CES5A: variants seen among roughly 807,000 people sequenced by gnomAD.
CES5A encodes the protein carboxylesterase 5A.
Under a neutral mutation model 62.9 loss-of-function variants are expected in CES5A, and 67 were observed. The observed-to-expected ratio is 1.07, with a 90% CI of 0.88 to 1.31. The LOEUF (loss-of-function observed/expected upper bound fraction) is 1.31. Among genes scored for constraint, CES5A ranks in the 50% most tolerant of loss-of-function variants. CES5A has a pLI of 0.00. For synonymous variants in CES5A, 296 were observed against 280.8 expected, an observed-to-expected ratio of 1.05 and a Z score of -0.54; for missense variants, 748 against 708.5, an observed-to-expected ratio of 1.06 and a Z score of -0.63.
intron 1 of CES5A, among the ~76,000 whole-genome samples, chr16:55,924,847 A>G (rs976279970): frequency 6.6e-6 from 1 of 152,098 alleles, no homozygotes; most frequent in Non-Finnish European, 1.5e-5. Context: ...CCTATCTCTT[A>G]CCATACACAA....
chr16:55,929,758 G>T (rs2034290675), upstream of CES5A, among the ~76,000 whole-genome samples: 1 of 152,200 alleles, frequency 6.6e-6, no homozygotes, highest in Admixed American at 6.5e-5. Context: ...AGGATTAAAT[G>T]CTGTCTTTAT....
chr16:55,860,979 G>A (rs1413265487), intron 7 of CES5A, among the ~76,000 whole-genome samples: 1 of 152,156 alleles, frequency 6.6e-6, no homozygotes, highest in Non-Finnish European at 1.5e-5. Flanking sequence ...ACCTGGAGAG[G>A]TGGGCATCTC....
chr16:55,919,863 A>G (rs2034184608), intron 1 of CES5A, among the ~76,000 whole-genome samples: 3 of 152,128 alleles, frequency 2.0e-5, no homozygotes, highest in African/African-American at 7.2e-5. Flanking sequence ...GGCACTTTCC[A>G]TGAGTTAAAT....
chr16:55,901,883 C>T (rs1189349230), intron 1 of CES5A, among the ~76,000 whole-genome samples: 1 of 152,168 alleles, frequency 6.6e-6, no homozygotes, highest in Non-Finnish European at 1.5e-5. Context: ...AATTACATTG[C>T]AGCTGTGCTG....
At chr16:55,943,010 A>T (rs1747132476) in intron 2 of CES5A, among the ~76,000 whole-genome samples, 1 of 152,174 alleles carries the variant, frequency 6.6e-6, no homozygotes, top group Non-Finnish European at 1.5e-5. Flanking sequence ...GCGGGCTTGG[A>T]AGGTTGGCTA....
At chr16:55,935,733 T>A (rs1192606522) in intron 2 of CES5A, among the ~76,000 whole-genome samples, 1 of 152,154 alleles carries the variant, frequency 6.6e-6, no homozygotes, top group Non-Finnish European at 1.5e-5. Flanking sequence ...GTGTGTAACT[T>A]CTTTGCCAGT....
chr16:55,850,440 C>A (rs552944700), intron 10 of CES5A, among the ~76,000 whole-genome samples: 1 of 152,280 alleles, frequency 6.6e-6, no homozygotes, highest in African/African-American at 2.4e-5. Context: ...TATGGCTTTG[C>A]CTAATCTGAA....
intron 1 of CES5A, among the ~76,000 whole-genome samples, chr16:55,884,296 G>T (rs1471142253): frequency 6.6e-6 from 1 of 152,212 alleles, no homozygotes; most frequent in Non-Finnish European, 1.5e-5. Context: ...TGCATGTGAA[G>T]CAGCACCTCT....
intron 3 of CES5A, among the ~76,000 whole-genome samples, chr16:55,871,252 C>G (rs1283433981): frequency 6.6e-6 from 1 of 152,110 alleles, no homozygotes; most frequent in African/African-American, 2.4e-5. Flanking sequence ...ACCTGACTGT[C>G]TTCATTATAA....
At chr16:55,873,569 G>A (rs1230840069) in intron 2 of CES5A, among the ~76,000 whole-genome samples, 1 of 152,158 alleles carries the variant, frequency 6.6e-6, no homozygotes, top group Admixed American at 6.5e-5. Flanking sequence ...ATAGTTTCCT[G>A]GGCTCAGCTC....
intron 1 of CES5A, among the ~76,000 whole-genome samples, chr16:55,914,460 T>C (rs1223164132): frequency 6.6e-6 from 1 of 152,118 alleles, no homozygotes; most frequent in Non-Finnish European, 1.5e-5. Context: ...TGGGGGTAAC[T>C]CTGCTGTATC....
At chr16:55,862,820 G>T (rs551339869) in intron 6 of CES5A, among the ~76,000 whole-genome samples, 2 of 152,278 alleles carry the variant, frequency 1.3e-5, no homozygotes, top group African/African-American at 2.4e-5. Flanking sequence ...TATGCTGGGG[G>T]CCTGAAGGAC....
In CES5A at chr16:55,866,035, C is replaced by G; in HGVS notation, c.633G>C (p.Glu211Asp). Residue 211 changes from glutamate to aspartate, a missense_variant, in exon 5 of 13, where the codon GAG (glutamate) becomes GAC (aspartate). Coordinates refer to ENST00000290567, the MANE Select transcript of CES5A (RefSeq NM_001143685.2). ...AALSWVQKNI[E>D]FFGGDPSSVT... ...CAGAGCTGGGGTCCCCACCGAAGAACTCGATGTTCTTCTGGACCCAGGACA... is the reference window on the plus strand; with the variant it reads ...CAGAGCTGGGGTCCCCACCGAAGAAGTCGATGTTCTTCTGGACCCAGGACA... 1 of 1,614,210 alleles carries G rather than the reference C, an allele frequency of 6.2e-7. No homozygotes were observed. The highest frequency in any genetic ancestry group is 8.5e-7 in the Non-Finnish European group (1 of 1,180,028).
intron 1 of CES5A, among the ~76,000 whole-genome samples, chr16:55,914,605 G>A (rs2034126687): frequency 6.6e-6 from 1 of 152,210 alleles, no homozygotes; most frequent in Non-Finnish European, 1.5e-5. Context: ...TTCTATCTAA[G>A]ACTCACTGCA....
At chr16:55,894,526 G>T (rs1478472469) in intron 1 of CES5A, among the ~76,000 whole-genome samples, 1 of 143,930 alleles carries the variant, frequency 6.9e-6, no homozygotes, top group Admixed American at 6.9e-5. Flanking sequence ...GAAAAGAAAA[G>T]AAAAGAAATA....
At chr16:55,883,681 C>T (rs2033784693) in intron 1 of CES5A, among the ~76,000 whole-genome samples, 1 of 152,190 alleles carries the variant, frequency 6.6e-6, no homozygotes, top group Non-Finnish European at 1.5e-5. Context: ...AAGTGGGAGC[C>T]TATTGGCTTC....
intron 1 of CES5A, among the ~76,000 whole-genome samples, chr16:55,914,443 TG>T (rs1326771208): frequency 6.6e-6 from 1 of 152,054 alleles, no homozygotes; most frequent in African/African-American, 2.4e-5. Flanking sequence ...TGGTAGTAGG[TG>T]GTGGGTGGGG....
At chr16:55,927,322 T>C (rs1173429090), upstream of CES5A, among the ~76,000 whole-genome samples, 1 of 151,908 alleles carries the variant, frequency 6.6e-6, no homozygotes, top group African/African-American at 2.4e-5. Flanking sequence ...ACAAAGTAAA[T>C]AGACAACCTA....
rs533130569 is a variant in CES5A at position 55,871,658 on chromosome 16, C to T, written c.384G>A (p.Ala128=). ...SEDCLYLNIY[A]PAHADTGSKL... ...TGGAGCCTGTATCGGCGTGGGCAGG[C>T]GCATAGATGTTCAGGTAGAGGCAGT... Residue 128 remains alanine, a synonymous_variant, in exon 3 of 13, where the codon GCG becomes GCA. Coordinates refer to ENST00000290567, the MANE Select transcript of CES5A (RefSeq NM_001143685.2). 166 of 1,614,038 alleles carry T rather than the reference C, an allele frequency of 1.0e-4. 1 individual carries two copies. The South Asian group carries it at 1.2e-3, about 11-fold the overall frequency.
Sources: allele counts gnomAD v4.1 joint callset (sites outside exome capture counted in the v4.1 genomes callset), GRCh38; gene constraint gnomAD v4.1.1; transcripts MANE v1.5; gene names NCBI Gene and HGNC (gene_info 2026-07-23, HGNC 2026-07-21).